ZMYND8: variants seen among roughly 807,000 people sequenced by gnomAD.
ZMYND8 encodes the protein MYND-type zinc finger-containing chromatin reader ZMYND8.
A neutral mutation model predicts 140.8 loss-of-function variants in ZMYND8; 37 were observed. That is an observed-to-expected ratio of 0.26 (90% CI 0.20 to 0.35). The LOEUF (loss-of-function observed/expected upper bound fraction) is 0.35. ZMYND8 is among the 10% of genes least tolerant of loss of function. The probability of loss-of-function intolerance (pLI) is 1.00; values close to 1 mark genes in which losing one functional copy is unlikely to be tolerated. For synonymous variants in ZMYND8, 592 were observed against 597.1 expected (o/e 0.99, Z 0.12); for missense variants, 1,068 against 1,570.0 (o/e 0.68, Z 5.40).
chr20:47,317,787 C>T (rs184370051), intron 2 of ZMYND8, among the ~76,000 whole-genome samples: 1 of 152,114 alleles, frequency 6.6e-6, no homozygotes, highest in South Asian at 2.1e-4. Context: ...AGCTTTCTGG[C>T]GTCAAAATGC....
chr20:47,300,930 G>GTGTGTGTGTGTGTGTGTA (rs757554886), intron 3 of ZMYND8, among the ~76,000 whole-genome samples: 30 of 141,414 alleles, frequency 2.1e-4, no homozygotes, highest in African/African-American at 7.4e-4. Flanking sequence ...GTGTGTGTGT[G>GTGTGTGTGTGTGTGTGTA]TGTGTTTTGT....
chr20:47,265,394 A>G (rs929048080), intron 11 of ZMYND8, among the ~76,000 whole-genome samples: 2 of 152,106 alleles, frequency 1.3e-5, no homozygotes, highest in Non-Finnish European at 2.9e-5. Flanking sequence ...CGTAGAACAC[A>G]GCCAAGTGAA....
intron 12 of ZMYND8, among the ~76,000 whole-genome samples, chr20:47,255,590 GTGTGTA>G (rs1207297273): frequency 7.1e-5 from 7 of 98,362 alleles, no homozygotes; most frequent in Non-Finnish European, 1.2e-4. Flanking sequence ...GTGTGTGTGT[GTGTGTA>G]TATATATATA....
At chr20:47,300,025 GA>G (rs2077907518) in intron 3 of ZMYND8, among the ~76,000 whole-genome samples, 2 of 152,194 alleles carry the variant, frequency 1.3e-5, no homozygotes, top group African/African-American at 4.8e-5. Context: ...AGCAATGGCA[GA>G]AAGATGAGAT....
chr20:47,318,926 G>A lies in ZMYND8; in HGVS notation c.86-8722C>T, dbSNP rs190102148. The stretch of plus-strand genomic sequence containing the variant: ...TCGGAGGCAGAACATGCGAGGGGCA[G>A]GGAACGCCAAGAGGAGGCACTTACC... On this transcript the variant is annotated intron_variant, in intron 2 of 22. Coordinates refer to ENST00000471951, the MANE Select transcript of ZMYND8 (RefSeq NM_001281775.3). The A allele has an allele frequency of 2.2e-6, 3 of 1,346,724 alleles. No homozygotes were observed. In the East Asian group the frequency reaches 1.4e-4, roughly 62 times the overall value. The allele number at this position is 1,346,724 out of a possible 1,614,324, so 83.4% of individuals were successfully genotyped here.
At chr20:47,321,082 C>A (rs1036107018) in intron 2 of ZMYND8, among the ~76,000 whole-genome samples, 2 of 152,190 alleles carry the variant, frequency 1.3e-5, no homozygotes, top group Non-Finnish European at 2.9e-5. Context: ...CTGGACTCCT[C>A]TGAATTATTT....
In ZMYND8 at chr20:47,244,112, T is replaced by A. The variant is rs147686269; in HGVS notation, c.2284+1896A>T. On this transcript the variant is annotated intron_variant, in intron 14 of 22. Coordinates refer to ENST00000471951, the MANE Select transcript of ZMYND8 (RefSeq NM_001281775.3). ...GTTCCAGAGCAGCCCAGGTTGACCA[T>A]AACCACAGCAGAAAGATTCTCAAGG... Among the ~76,000 whole-genome samples the A allele has an allele frequency of 7.2e-5, 11 of 152,280 alleles. No homozygotes were observed. In the East Asian group the frequency reaches 1.9e-3, roughly 27 times the overall value.
chr20:47,228,142 A>T (rs2037963572), intron 17 of ZMYND8, among the ~76,000 whole-genome samples: 1 of 152,144 alleles, frequency 6.6e-6, no homozygotes, highest in Non-Finnish European at 1.5e-5. Context: ...ACAGTGTTTA[A>T]TTATCGCAGT....
At chr20:47,262,071 CA>C (rs879477671) in intron 12 of ZMYND8, among the ~76,000 whole-genome samples, 214 of 142,140 alleles carry the variant, frequency 1.5e-3, no homozygotes, top group Non-Finnish European at 1.8e-3. Flanking sequence ...AACTCCATCT[CA>C]AAAAAAAAAA....
intron 2 of ZMYND8, chr20:47,319,068 G>A (rs753454764): frequency 2.2e-6 from 3 of 1,336,438 alleles, no homozygotes; most frequent in Non-Finnish European, 3.0e-6. Flanking sequence ...TCTCCCAGGG[G>A]GAGGAGGAAG....
At chr20:47,305,670 C>G (rs2078426528) in intron 3 of ZMYND8, among the ~76,000 whole-genome samples, 3 of 152,106 alleles carry the variant, frequency 2.0e-5, no homozygotes, top group South Asian at 4.1e-4. Flanking sequence ...TATGCAGACA[C>G]CCTGTCCTCA....
At chr20:47,338,795 C>G (rs2081590608) in intron 2 of ZMYND8, among the ~76,000 whole-genome samples, 1 of 151,964 alleles carries the variant, frequency 6.6e-6, no homozygotes, top group African/African-American at 2.4e-5. Flanking sequence ...GCAAGAATTC[C>G]CAAGCACCCG....
intron 21 of ZMYND8, among the ~76,000 whole-genome samples, chr20:47,214,438 G>A (rs6094629): frequency 0.23 from 34,239 of 152,100 alleles, 4,641 homozygotes; most frequent in East Asian, 0.48. Context: ...GCTCCATGGC[G>A]CTCTCACTGT....
Position 47,210,710 on chromosome 20 carries a change from C to T in ZMYND8, c.*51G>A, listed in dbSNP as rs370734592. ...CCTTTGTTGTTTCTTCTTTTCCTGG[C>T]GTCTGGGTTTTTCTCCCAATGGGGT... On this transcript the variant is annotated 3_prime_UTR_variant, in exon 23 of 23. Coordinates refer to ENST00000471951, the MANE Select transcript of ZMYND8 (RefSeq NM_001281775.3). 3.6e-5 allele frequency: 58 copies of T among 1,613,528 alleles called. No individual in the cohort carries two copies. The highest frequency in any genetic ancestry group is 1.9e-4 in the South Asian group (17 of 91,052).
intron 11 of ZMYND8, among the ~76,000 whole-genome samples, chr20:47,264,732 T>C (rs2075385542): frequency 6.6e-6 from 1 of 152,150 alleles, no homozygotes; most frequent in South Asian, 2.1e-4. Context: ...GAAGTGTTTG[T>C]TACACGAAGA....
intron 3 of ZMYND8, among the ~76,000 whole-genome samples, chr20:47,308,454 CA>C (rs2078672650): frequency 6.6e-6 from 1 of 152,108 alleles, no homozygotes; most frequent in Non-Finnish European, 1.5e-5. Flanking sequence ...CTCCTGACCT[CA>C]GGCGATCCGT....
At chr20:47,356,629 A>G in intron 1 of ZMYND8, 28 bp downstream of exon 1, 1 of 1,614,082 alleles carries the variant, frequency 6.2e-7, no homozygotes, top group Non-Finnish European at 8.5e-7. Context: ...GGGAGGGGGA[A>G]AAAAGATGGT....
chr20:47,289,917 T>C (rs1229019151), intron 7 of ZMYND8, among the ~76,000 whole-genome samples: 1 of 152,224 alleles, frequency 6.6e-6, no homozygotes, highest in Non-Finnish European at 1.5e-5. Flanking sequence ...AAAATCTGTA[T>C]GTTTTATTTT....
At chr20:47,249,719 A>G (rs2074015061) in intron 12 of ZMYND8, among the ~76,000 whole-genome samples, 1 of 152,332 alleles carries the variant, frequency 6.6e-6, no homozygotes, top group South Asian at 2.1e-4. Context: ...CAGATGGCTC[A>G]GTGTGTGGAA....
Sources: allele counts gnomAD v4.1 joint callset (sites outside exome capture counted in the v4.1 genomes callset), GRCh38; gene constraint gnomAD v4.1.1; transcripts MANE v1.5; gene names NCBI Gene and HGNC (gene_info 2026-07-23, HGNC 2026-07-21).